CFAP69: variants seen among roughly 807,000 people sequenced by gnomAD.
CFAP69 encodes cilia- and flagella-associated protein 69.
A neutral mutation model predicts 123.0 loss-of-function variants in CFAP69; 92 were observed. The observed-to-expected ratio is 0.75, with a 90% CI of 0.63 to 0.89. The LOEUF (loss-of-function observed/expected upper bound fraction) is 0.89, where lower values mean the gene tolerates loss of function less well. Ranked by LOEUF, CFAP69 falls within the 40% of genes least tolerant of loss-of-function variation. The probability of loss-of-function intolerance (pLI) is 0.00; values close to 1 mark genes in which losing one functional copy is unlikely to be tolerated. For missense variants in CFAP69, 1,067 were observed against 1,096.9 expected, an observed-to-expected ratio of 0.97 and a Z score of 0.39; for synonymous variants, 380 against 364.3, an observed-to-expected ratio of 1.04 and a Z score of -0.49.
At chr7:90,289,002 T>C (rs1409402065) in intron 15 of CFAP69, among the ~76,000 whole-genome samples, 1 of 152,048 alleles carries the variant, frequency 6.6e-6, no homozygotes, top group Non-Finnish European at 1.5e-5. Flanking sequence ...TCTTTCTTTA[T>C]ATTTTTATTC....
intron 1 of CFAP69, chr7:90,252,026 A>G (rs1031832349): frequency 1.3e-5 from 2 of 152,064 alleles, no homozygotes; most frequent in African/African-American, 4.8e-5. Flanking sequence ...CTTAAAAAAA[A>G]AAATCCTGCA....
the CFAP69 span, among the ~76,000 whole-genome samples, chr7:90,321,532 T>G: frequency 6.6e-6 from 1 of 152,192 alleles, no homozygotes; most frequent in African/African-American, 2.4e-5. Context: ...TCTCTCCTTC[T>G]TACTTTGTTC....
chr7:90,279,848 G>A lies in CFAP69; in HGVS notation c.1327G>A (p.Gly443Arg), dbSNP rs1289692024. 6.2e-7 allele frequency: 1 copy of A among 1,610,926 alleles called. No individual in the cohort carries two copies. Among genetic ancestry groups the A allele is most frequent in the Non-Finnish European group, 8.5e-7 (1 of 1,179,166 alleles). Reference protein sequence around the residue: ...LLIEEYMSCQGNARVLAFLEW... With the variant: ...LLIEEYMSCQRNARVLAFLEW... ...AATAGAAGAATACATGTCATGCCAG[G>A]GAAATGCTCGAGTCCTTGCATTTCT... is the stretch of plus-strand genomic sequence containing the variant. The change falls in exon 12 of 23, where the codon GGA (glycine) becomes AGA (arginine). Residue 443 changes from glycine (G) to arginine (R), a missense_variant. Gly to Arg is a moderately radical substitution (Grantham distance 125). Transcript: ENST00000389297.
At chr7:90,254,587 A>G (rs1162665415) in intron 1 of CFAP69, among the ~76,000 whole-genome samples, 1 of 152,152 alleles carries the variant, frequency 6.6e-6, no homozygotes, top group Non-Finnish European at 1.5e-5. Flanking sequence ...TTTAATGGAT[A>G]TAAACTTAGG....
chr7:90,320,662 T>C, the CFAP69 span: 2 of 152,106 alleles, frequency 1.3e-5, no homozygotes, highest in African/African-American at 2.4e-5. Context: ...GGAGAACAGA[T>C]CCAGAACACA....
At chr7:90,249,459 G>T (rs1796708223) in intron 1 of CFAP69, among the ~76,000 whole-genome samples, 1 of 152,104 alleles carries the variant, frequency 6.6e-6, no homozygotes, top group Admixed American at 6.5e-5. Flanking sequence ...TACCAAATAG[G>T]AAGATAGTTC....
At chr7:90,275,811 C>T (rs1244709583) in intron 9 of CFAP69, among the ~76,000 whole-genome samples, 2 of 151,836 alleles carry the variant, frequency 1.3e-5, no homozygotes, top group African/African-American at 2.4e-5. Flanking sequence ...ACTGTGTTAG[C>T]CAGGATGGTC....
chr7:90,245,707 A>G (rs1584265939), intron 1 of CFAP69, among the ~76,000 whole-genome samples, 163 bp downstream of exon 1: 2 of 151,830 alleles, frequency 1.3e-5, no homozygotes, highest in African/African-American at 4.8e-5. Flanking sequence ...CTGATCCCCC[A>G]CCCCCTGCGA....
intron 1 of CFAP69, among the ~76,000 whole-genome samples, chr7:90,253,232 T>A (rs1293146601): frequency 1.3e-5 from 2 of 152,310 alleles, no homozygotes; most frequent in South Asian, 2.1e-4. Context: ...TAAGATAAAA[T>A]GTCAGGTAGC....
At chr7:90,261,467 C>A (rs1265390608) in intron 3 of CFAP69, among the ~76,000 whole-genome samples, 1 of 152,020 alleles carries the variant, frequency 6.6e-6, no homozygotes, top group African/African-American at 2.4e-5. Flanking sequence ...CCAATTTAAG[C>A]CTTAAACACA....
At chr7:90,306,649 T>A (rs1404615629) in intron 19 of CFAP69, among the ~76,000 whole-genome samples, 3 of 152,222 alleles carry the variant, frequency 2.0e-5, no homozygotes, top group Admixed American at 2.0e-4. Context: ...ATGGTGATGA[T>A]GGCAGGGAAC....
chr7:90,304,560 CCTACTCACAAG>C, intron 18 of CFAP69, 173 bp from the exon 19 acceptor site: 1 of 1,366,050 alleles, frequency 7.3e-7, no homozygotes, highest in East Asian at 2.8e-5. Flanking sequence ...TAGAAAGAAG[CCTACTCACAAG>C]CTACTCACAG....
At chr7:90,273,242 A>G (rs1303392948) in intron 8 of CFAP69, among the ~76,000 whole-genome samples, 2 of 152,196 alleles carry the variant, frequency 1.3e-5, no homozygotes, top group Non-Finnish European at 2.9e-5. Context: ...TCAGAAAACT[A>G]AAATTCAGTA....
At chr7:90,292,242 G>A (rs1791313223) in intron 15 of CFAP69, among the ~76,000 whole-genome samples, 1 of 152,226 alleles carries the variant, frequency 6.6e-6, no homozygotes, top group Non-Finnish European at 1.5e-5. Flanking sequence ...CCAGCCATGG[G>A]TTTGTACCCT....
intron 5 of CFAP69, 84 bp from the exon 6 acceptor site, chr7:90,268,202 C>G: frequency 1.3e-6 from 1 of 768,606 alleles, no homozygotes; most frequent in South Asian, 1.8e-5. Flanking sequence ...TAATAATCAT[C>G]ATATTATTAA....
At chr7:90,309,389 AT>A in intron 22 of CFAP69, 22 bp downstream of exon 22, 1 of 1,303,300 alleles carries the variant, frequency 7.7e-7, no homozygotes, top group Non-Finnish European at 1.1e-6. Flanking sequence ...TCTCCATAAC[AT>A]TTTCTTAATA....
chr7:90,263,965 C>A (rs1449398208), intron 4 of CFAP69, among the ~76,000 whole-genome samples: 1 of 151,182 alleles, frequency 6.6e-6, no homozygotes, highest in African/African-American at 2.4e-5. Flanking sequence ...GTGGCAGGCA[C>A]CTGTAGTCCC....
At chr7:90,268,529 G>T in intron 6 of CFAP69, 145 bp downstream of exon 6, 1 of 561,384 alleles carries the variant, frequency 1.8e-6, no homozygotes, top group Admixed American at 3.8e-5. Context: ...GAGCTCTTTG[G>T]TCATCTTTTG....
In CFAP69 at chr7:90,310,071, C is replaced by T. The variant is rs375641815; in HGVS notation, c.2659C>T (p.Pro887Ser). The change falls in exon 23 of 23, where the codon CCC (proline) becomes TCC (serine). Residue 887 changes from proline to serine, a missense_variant. Pro to Ser is a moderately conservative substitution (Grantham distance 74, BLOSUM62 -1). Coordinates refer to ENST00000389297, the MANE Select transcript of CFAP69 (RefSeq NM_001039706.3). ...TATTTACCTTTTGCCTTTTTAGGTG[C>T]CCTCTGGTGGAGTAGTAACAGTGGA... ...THIKGLNTTV[P>S]SGGVVTVEST... The T allele has an allele frequency of 4.2e-5, 67 of 1,601,652 alleles. No individual in the cohort carries two copies. The highest frequency in any genetic ancestry group is 5.6e-5 in the Non-Finnish European group (66 of 1,173,764).
Sources: allele counts gnomAD v4.1 joint callset (sites outside exome capture counted in the v4.1 genomes callset), GRCh38; gene constraint gnomAD v4.1.1; transcripts MANE v1.5; gene names NCBI Gene and HGNC (gene_info 2026-07-23, HGNC 2026-07-21).